Variants in TESC observed in about 807,000 individuals in gnomAD.
TESC encodes the protein calcineurin B homologous protein 3.
Under a neutral mutation model 31.0 loss-of-function variants are expected in TESC, and 19 were observed. The ratio of observed to expected loss-of-function variants is 0.61; its 90% CI spans 0.43 to 0.90. The LOEUF is 0.90. Ranked by LOEUF, TESC falls within the 40% of genes least tolerant of loss-of-function variation. TESC has a pLI of 0.00. For synonymous variants in TESC, 109 were observed against 114.8 expected, an observed-to-expected ratio of 0.95 and a Z score of 0.32; for missense variants, 248 against 303.8, an observed-to-expected ratio of 0.82 and a Z score of 1.36.
chr12:117,093,419 C>T (rs1955342199), intron 1 of TESC, among the ~76,000 whole-genome samples: 1 of 152,140 alleles, frequency 6.6e-6, no homozygotes. Flanking sequence ...TGGAATCCGA[C>T]TCTCTTTTTT....
intron 1 of TESC, among the ~76,000 whole-genome samples, chr12:117,096,070 G>A (rs1040980025): frequency 6.6e-6 from 1 of 152,144 alleles, no homozygotes; most frequent in African/African-American, 2.4e-5. Flanking sequence ...AGAGTGTTAT[G>A]CAGAGAGCAC....
chr12:117,075,726 G>A lies in TESC; in HGVS notation c.59-386C>T, dbSNP rs574983636. The stretch of plus-strand genomic sequence containing the variant: ...GGCTGGAGTACACTGGCACGACCTC[G>A]GCATCTCAGCTCACTGCAGCCTCCA... On this transcript the variant is annotated intron_variant, in intron 1 of 7. Coordinates refer to ENST00000335209, the MANE Select transcript of TESC (RefSeq NM_017899.4). Among the ~76,000 whole-genome samples the A allele has an allele frequency of 1.1e-3, 162 of 150,156 alleles. 1 individual carries two copies. Among genetic ancestry groups the A allele is most frequent in the Admixed American group, 2.0e-4 (3 of 14,940 alleles).
rs190243618 is a variant in TESC, at chr12:117,065,243, T to C, written c.129-8357A>G. Among the ~76,000 whole-genome samples the C allele has an allele frequency of 1.6e-4, 25 of 152,190 alleles. 1 individual carries two copies. The highest frequency in any genetic ancestry group is 1.6e-3 in the Admixed American group (25 of 15,284). On this transcript the variant is annotated intron_variant, in intron 2 of 7. Coordinates refer to ENST00000335209, the MANE Select transcript of TESC (RefSeq NM_017899.4). ...CACAGGGGAACCAGGGAGGAGGCTG[T>C]TGGGGTAGCCCAGGCCAGAGACCAT...
chr12:117,069,890 T>C (rs747290857), intron 2 of TESC, among the ~76,000 whole-genome samples: 1 of 152,218 alleles, frequency 6.6e-6, no homozygotes, highest in Non-Finnish European at 1.5e-5. Flanking sequence ...AAGGGGACTT[T>C]TGCATTCAAG....
At chr12:117,056,227 TTTTA>T in intron 3 of TESC, among the ~76,000 whole-genome samples, 1 of 152,190 alleles carries the variant, frequency 6.6e-6, no homozygotes, top group African/African-American at 2.4e-5. Context: ...CTGCTAATTC[TTTTA>T]TTTTTAGTAG....
intron 2 of TESC, among the ~76,000 whole-genome samples, chr12:117,058,528 A>C (rs918690666): frequency 1.3e-5 from 2 of 149,102 alleles, no homozygotes; most frequent in Non-Finnish European, 3.0e-5. Context: ...TTTAATGGCT[A>C]AGTTGTATTA....
chr12:117,078,681 G>C (rs375305449), intron 1 of TESC, among the ~76,000 whole-genome samples: 86 of 152,158 alleles, frequency 5.7e-4, no homozygotes, highest in African/African-American at 1.8e-3. Context: ...CTGTGTTGTG[G>C]AAAAGACATA....
intron 1 of TESC, among the ~76,000 whole-genome samples, chr12:117,075,885 A>ATATATATATATATATATATATGTGTGTG (rs1565971493): frequency 2.2e-5 from 1 of 46,258 alleles, no homozygotes; most frequent in Non-Finnish European, 3.9e-5. Context: ...GTATATATAT[A>ATATATATATATATATATATATGTGTGTG]TATATATATA....
intron 6 of TESC, among the ~76,000 whole-genome samples, chr12:117,043,747 T>C (rs1291685147): frequency 1.3e-5 from 2 of 152,160 alleles, no homozygotes; most frequent in Non-Finnish European, 2.9e-5. Flanking sequence ...ATTACAGGTG[T>C]GACCAAATGC....
intron 2 of TESC, among the ~76,000 whole-genome samples, chr12:117,064,740 A>G (rs1954850306): frequency 6.6e-6 from 1 of 152,224 alleles, no homozygotes; most frequent in African/African-American, 2.4e-5. Context: ...TTGACCACAG[A>G]AAGGCCACAG....
intron 1 of TESC, among the ~76,000 whole-genome samples, chr12:117,098,204 C>T (rs577428084): frequency 1.3e-5 from 2 of 152,338 alleles, no homozygotes; most frequent in East Asian, 3.9e-4. Context: ...GGAGCTAGCT[C>T]TTTCCCAAAA....
chr12:117,096,064 T>G (rs117509879), intron 1 of TESC, among the ~76,000 whole-genome samples: 1 of 151,542 alleles, frequency 6.6e-6, no homozygotes. Context: ...CTATAAAGAG[T>G]GTTATGCAGA....
intron 1 of TESC, among the ~76,000 whole-genome samples, chr12:117,098,187 G>A (rs556544529): frequency 1.3e-5 from 2 of 152,306 alleles, no homozygotes; most frequent in South Asian, 4.1e-4. Flanking sequence ...ACTTGAAGCA[G>A]GTGCCAGGAG....
At chr12:117,055,122 A>G (rs1954701962) in intron 3 of TESC, among the ~76,000 whole-genome samples, 1 of 152,186 alleles carries the variant, frequency 6.6e-6, no homozygotes, top group African/African-American at 2.4e-5. Context: ...CAACCCTGCT[A>G]GGCAAGTGCT....
At position 117,046,763 on chromosome 12, in the gene TESC, G is replaced by A. The variant is rs1227050541; in HGVS notation, c.411+14C>T. On this transcript the variant is annotated intron_variant, in intron 5 of 7. Coordinates refer to ENST00000335209, the MANE Select transcript of TESC (RefSeq NM_017899.4). The stretch of plus-strand genomic sequence containing the variant: ...CACCAGGAGCCCCGGGCGGGCCAGA[G>A]GAGCATACTTTACATTTCGATATTC... The A allele has an allele frequency of 6.4e-7, 1 of 1,560,004 alleles. No homozygotes were observed. Among genetic ancestry groups the A allele is most frequent in the East Asian group, 2.4e-5 (1 of 41,944 alleles).
At chr12:117,055,912 CTTTTTTTTTTT>C (rs201228990) in intron 3 of TESC, among the ~76,000 whole-genome samples, 1 of 139,928 alleles carries the variant, frequency 7.1e-6, no homozygotes, top group Non-Finnish European at 1.6e-5. Context: ...TTTCCTTTTC[CTTTTTTTTTTT>C]TTTTTTTTCT....
intron 4 of TESC, among the ~76,000 whole-genome samples, chr12:117,048,321 C>T (rs1033292507): frequency 6.6e-6 from 1 of 152,246 alleles, no homozygotes; most frequent in Non-Finnish European, 1.5e-5. Flanking sequence ...CGGGCTGTTC[C>T]CACCAGCCCC....
At position 117,093,171 on chromosome 12, in the gene TESC, C is replaced by G. The variant is rs923288477; in HGVS notation, c.58+6054G>C. ...GGGGTGCTCCCCTGTCCCCCTGGAA[C>G]CCCTGAGCTTCTGGAGGGCAGGGAC... On this transcript the variant is annotated intron_variant, in intron 1 of 7. Coordinates refer to ENST00000335209, the MANE Select transcript of TESC (RefSeq NM_017899.4). 2.0e-5 allele frequency among the ~76,000 whole-genome samples: 3 copies of G among 152,190 alleles called. No homozygotes were observed. In the South Asian group the frequency reaches 6.2e-4, roughly 31 times the overall value.
chr12:117,084,928 AC>A (rs892598077), intron 1 of TESC, among the ~76,000 whole-genome samples: 1 of 152,136 alleles, frequency 6.6e-6, no homozygotes, highest in Non-Finnish European at 1.5e-5. Context: ...CCCTCTGAGC[AC>A]CTCTGGTTTG....
Sources: gnomAD v4.1 joint callset for allele counts (sites outside exome capture counted in the v4.1 genomes callset) on GRCh38, gnomAD v4.1.1 for gene constraint, MANE v1.5 for transcripts, NCBI Gene and HGNC (gene_info 2026-07-23, HGNC 2026-07-21) for gene names.